CNIH3: variants seen among roughly 807,000 people sequenced by gnomAD.
The protein encoded by CNIH3 is protein cornichon homolog 3.
In CNIH3, 14 loss-of-function variants were observed where a neutral mutation model predicts 24.1. The ratio of observed to expected loss-of-function variants is 0.58; its 90% CI spans 0.38 to 0.91. The LOEUF (loss-of-function observed/expected upper bound fraction) is 0.91. Ranked by LOEUF, CNIH3 falls within the 40% of genes least tolerant of loss-of-function variation. The pLI, the probability that CNIH3 is intolerant of heterozygous loss-of-function variation, is 0.00. For missense variants in CNIH3, 178 were observed against 196.8 expected (o/e 0.90, Z 0.57); for synonymous variants, 68 against 73.8 (o/e 0.92, Z 0.40).
At chr1:224,732,559 T>C (rs2125244480) in intron 4 of CNIH3, among the ~76,000 whole-genome samples, 1 of 152,252 alleles carries the variant, frequency 6.6e-6, no homozygotes, top group Non-Finnish European at 1.5e-5. Flanking sequence ...AGCTCGGACG[T>C]GGCAGGGCTG....
intron 1 of CNIH3, among the ~76,000 whole-genome samples, chr1:224,436,622 C>T (rs1167399831): frequency 6.6e-6 from 1 of 152,166 alleles, no homozygotes; most frequent in Non-Finnish European, 1.5e-5. Flanking sequence ...TTTATAAAGT[C>T]CCTTACAGAA....
Position 224,739,548 on chromosome 1 carries a change from A to T in CNIH3, c.*192A>T. ...CGAGTTAACCCTGCGTGTCTGTGTC[A>T]CCCTGTTTGTCAATCTTTGGCATTC... On this transcript the variant is annotated 3_prime_UTR_variant, in exon 6 of 6. Coordinates refer to ENST00000272133, the MANE Select transcript of CNIH3 (RefSeq NM_152495.2). The T allele has an allele frequency of 9.8e-7, 1 of 1,023,404 alleles. No homozygotes were observed. Among genetic ancestry groups the T allele is most frequent in the Non-Finnish European group, 1.4e-6 (1 of 711,348 alleles). The allele number at this position is 1,023,404 out of a possible 1,614,324, so 63.4% of individuals were successfully genotyped here.
chr1:224,535,667 G>A (rs1318419377), intron 2 of CNIH3, among the ~76,000 whole-genome samples: 3 of 152,196 alleles, frequency 2.0e-5, no homozygotes, highest in Admixed American at 6.5e-5. Flanking sequence ...TGTAGTAACC[G>A]AGGAGAGTGG....
At chr1:224,636,266 A>G (rs914900245) in intron 1 of CNIH3, among the ~76,000 whole-genome samples, 1 of 152,188 alleles carries the variant, frequency 6.6e-6, no homozygotes, top group Non-Finnish European at 1.5e-5. Flanking sequence ...ATTTGACTAC[A>G]TTGATGAAAG....
intron 2 of CNIH3, among the ~76,000 whole-genome samples, chr1:224,521,955 G>A (rs1422660794): frequency 6.6e-6 from 1 of 152,162 alleles, no homozygotes; most frequent in Non-Finnish European, 1.5e-5. Flanking sequence ...ATGTGGATTG[G>A]CAAATTGCAG....
chr1:224,620,768 G>A (rs1255067249), intron 1 of CNIH3, among the ~76,000 whole-genome samples: 1 of 152,114 alleles, frequency 6.6e-6, no homozygotes, highest in Non-Finnish European at 1.5e-5. Flanking sequence ...GGGAGGTTGA[G>A]GCAGGAGGAT....
intron 1 of CNIH3, among the ~76,000 whole-genome samples, chr1:224,623,361 A>T (rs79130477): frequency 0.054 from 8,141 of 151,984 alleles, 290 homozygotes; most frequent in East Asian, 0.15. Context: ...CCTGTAGTGG[A>T]TGCCTCAGTC....
chr1:224,570,954 G>T (rs1680793372), intron 4 of CNIH3, among the ~76,000 whole-genome samples: 1 of 150,920 alleles, frequency 6.6e-6, no homozygotes, highest in African/African-American at 2.4e-5. Flanking sequence ...TCAGCACCGT[G>T]AATTTCCACA....
chr1:224,695,371 C>T (rs1400445682), intron 3 of CNIH3, among the ~76,000 whole-genome samples: 1 of 148,932 alleles, frequency 6.7e-6, no homozygotes, highest in Non-Finnish European at 1.5e-5. Context: ...CACACACACA[C>T]ACACACACAC....
chr1:224,628,669 C>T (rs970806204), intron 1 of CNIH3, among the ~76,000 whole-genome samples: 1 of 151,952 alleles, frequency 6.6e-6, no homozygotes, highest in Admixed American at 6.6e-5. Context: ...AACTCAAAGG[C>T]CCCCCACGCC....
At chr1:224,551,216 C>T (rs1356255194) in intron 3 of CNIH3, among the ~76,000 whole-genome samples, 1 of 152,110 alleles carries the variant, frequency 6.6e-6, no homozygotes, top group East Asian at 1.9e-4. Flanking sequence ...AATCCCATTA[C>T]TGGGTATATA....
At chr1:224,462,277 A>G (rs1675946903) in intron 1 of CNIH3, among the ~76,000 whole-genome samples, 2 of 152,210 alleles carry the variant, frequency 1.3e-5, no homozygotes, top group Admixed American at 6.5e-5. Flanking sequence ...GATGACATGT[A>G]TCCACCATCG....
chr1:224,605,038 A>G (rs1471184781), intron 3 of CNIH3, among the ~76,000 whole-genome samples: 2 of 152,194 alleles, frequency 1.3e-5, no homozygotes, highest in African/African-American at 4.8e-5. Context: ...GTGAGTAGGC[A>G]AAAAAGGCTA....
chr1:224,493,208 T>C (rs1356322562), intron 1 of CNIH3, among the ~76,000 whole-genome samples: 1 of 152,240 alleles, frequency 6.6e-6, no homozygotes. Context: ...CTAGTCTTTG[T>C]ATATAAACTT....
intron 1 of CNIH3, among the ~76,000 whole-genome samples, chr1:224,680,365 G>T (rs1159943844): frequency 3.3e-5 from 5 of 152,226 alleles, no homozygotes; most frequent in Admixed American, 1.3e-4. Flanking sequence ...GTTCTCTGGG[G>T]AGTTCTGAGT....
intron 4 of CNIH3, among the ~76,000 whole-genome samples, chr1:224,568,912 G>A (rs1371200804): frequency 6.6e-6 from 1 of 151,524 alleles, no homozygotes; most frequent in Non-Finnish European, 1.5e-5. Flanking sequence ...TACTCTTGTT[G>A]CCCAGGCTGA....
chr1:224,485,889 T>A (rs930375275), intron 1 of CNIH3, among the ~76,000 whole-genome samples: 1 of 152,228 alleles, frequency 6.6e-6, no homozygotes, highest in Non-Finnish European at 1.5e-5. Context: ...AGTTTTCTAA[T>A]GCTTCTGATT....
chr1:224,473,427 T>C (rs1410356698), intron 1 of CNIH3, among the ~76,000 whole-genome samples: 1 of 152,110 alleles, frequency 6.6e-6, no homozygotes, highest in African/African-American at 2.4e-5. Flanking sequence ...CAAGACCCAG[T>C]GATCTGATGC....
chr1:224,577,260 G>A lies in CNIH3; in HGVS notation n.517-5904G>A, dbSNP rs149111177. 1.3e-3 allele frequency among the ~76,000 whole-genome samples: 200 copies of A among 152,196 alleles called. 1 individual carries two copies. In the Middle Eastern group the frequency reaches 0.027, roughly 21 times the overall value. On this transcript the variant is annotated intron_variant and non_coding_transcript_variant, in intron 4 of 5. Coordinates refer to the CNIH3 transcript ENST00000471578. Reference sequence around the variant, plus strand: ...CACAGCAAAAGAAATAATCAACAGAGTAAACAGACAACTCAGAGAATGGGA... The same window carrying A: ...CACAGCAAAAGAAATAATCAACAGAATAAACAGACAACTCAGAGAATGGGA...
Sources: allele counts gnomAD v4.1 joint callset (sites outside exome capture counted in the v4.1 genomes callset), GRCh38; gene constraint gnomAD v4.1.1; transcripts MANE v1.5; gene names NCBI Gene and HGNC (gene_info 2026-07-23, HGNC 2026-07-21).